MARK2: variants seen among roughly 807,000 people sequenced by gnomAD.
MARK2 encodes serine/threonine-protein kinase MARK2.
Under a neutral mutation model 89.8 loss-of-function variants are expected in MARK2, and 16 were observed. The ratio of observed to expected loss-of-function variants is 0.18; its 90% CI spans 0.12 to 0.27. The LOEUF (loss-of-function observed/expected upper bound fraction) is 0.27. Ranked by LOEUF, MARK2 falls within the 10% of genes least tolerant of loss-of-function variation. The pLI is 1.00. For missense variants in MARK2, 621 were observed against 1,049.9 expected, an observed-to-expected ratio of 0.59 and a Z score of 5.65; for synonymous variants, 382 against 399.5, an observed-to-expected ratio of 0.96 and a Z score of 0.52.
At chr11:63,906,212 C>T (rs1205239322) in intron 17 of MARK2, 98 bp downstream of exon 17, 2 of 1,236,718 alleles carry the variant, frequency 1.6e-6, no homozygotes, top group Non-Finnish European at 2.0e-6. Flanking sequence ...TCTTACTCTC[C>T]TCCATCTGCT....
intron 1 of MARK2, among the ~76,000 whole-genome samples, chr11:63,841,321 A>C (rs556148406): frequency 1.1e-3 from 169 of 152,304 alleles, no homozygotes; most frequent in African/African-American, 3.8e-3. Flanking sequence ...TTTTCTCTGC[A>C]GGGTTGACCC....
At chr11:63,873,118 G>A (rs1470576259) in intron 1 of MARK2, among the ~76,000 whole-genome samples, 1 of 152,044 alleles carries the variant, frequency 6.6e-6, no homozygotes, top group Non-Finnish European at 1.5e-5. Flanking sequence ...GGGTGATGGT[G>A]ACCCAGCTAG....
At chr11:63,860,742 C>T (rs1590993103) in intron 1 of MARK2, among the ~76,000 whole-genome samples, 1 of 151,948 alleles carries the variant, frequency 6.6e-6, no homozygotes, top group East Asian at 1.9e-4. Context: ...CCTATAGTTC[C>T]AGCTCTTCAG....
chr11:63,893,475 C>T, intron 1 of MARK2, among the ~76,000 whole-genome samples: 1 of 151,466 alleles, frequency 6.6e-6, no homozygotes, highest in Non-Finnish European at 1.5e-5. Flanking sequence ...GAATTGTTTC[C>T]ACTTTTTGAC....
chr11:63,879,074 G>A (rs779834167), intron 1 of MARK2, among the ~76,000 whole-genome samples: 1 of 152,154 alleles, frequency 6.6e-6, no homozygotes, highest in Non-Finnish European at 1.5e-5. Flanking sequence ...GGAGGCCGAG[G>A]CAGGCAGATC....
chr11:63,872,872 C>T (rs1035621647), intron 1 of MARK2, among the ~76,000 whole-genome samples: 14 of 149,702 alleles, frequency 9.4e-5, no homozygotes, highest in Admixed American at 2.0e-4. Context: ...CTCCTCCTCT[C>T]CCCCACTTCT....
chr11:63,882,641 T>C (rs1939165891), intron 1 of MARK2: 1 of 152,132 alleles, frequency 6.6e-6, no homozygotes, highest in Non-Finnish European at 1.5e-5. Context: ...GGGGCCATGC[T>C]AATCTTCTCT....
At chr11:63,884,178 C>T (rs1018373757) in intron 1 of MARK2, among the ~76,000 whole-genome samples, 29 of 152,312 alleles carry the variant, frequency 1.9e-4, no homozygotes, top group African/African-American at 3.4e-4. Context: ...GGGGATTTAG[C>T]GACCAGACCC....
chr11:63,906,312 G>A (rs913437654), intron 17 of MARK2, among the ~76,000 whole-genome samples, 198 bp downstream of exon 17: 4 of 152,094 alleles, frequency 2.6e-5, no homozygotes, highest in African/African-American at 4.8e-5. Flanking sequence ...CCTGCCCTCC[G>A]TGCCCCCAGT....
intron 4 of MARK2, 100 bp downstream of exon 4, chr11:63,898,380 C>T: frequency 8.4e-7 from 1 of 1,195,024 alleles, no homozygotes; most frequent in Non-Finnish European, 1.2e-6. Context: ...CTGGAGTCTG[C>T]AGTCTTCAAG....
chr11:63,885,277 G>A (rs749321695), intron 1 of MARK2, among the ~76,000 whole-genome samples: 10 of 152,130 alleles, frequency 6.6e-5, no homozygotes, highest in Non-Finnish European at 1.3e-4. Context: ...GGTAGCTCAT[G>A]TCTATAATCC....
At chr11:63,855,816 G>C (rs1188981492) in intron 1 of MARK2, among the ~76,000 whole-genome samples, 4 of 152,206 alleles carry the variant, frequency 2.6e-5, no homozygotes, top group Admixed American at 6.5e-5. Flanking sequence ...CATTAAGCCA[G>C]ACATTAAAGA....
At chr11:63,845,410 G>A (rs922037318) in intron 1 of MARK2, among the ~76,000 whole-genome samples, 1 of 152,146 alleles carries the variant, frequency 6.6e-6, no homozygotes, top group Non-Finnish European at 1.5e-5. Context: ...AACCAGATAG[G>A]TGGCTAAATT....
intron 6 of MARK2, 73 bp from the exon 7 acceptor site, chr11:63,898,979 G>T: frequency 7.9e-7 from 1 of 1,261,734 alleles, no homozygotes. Context: ...CTAAGTCACA[G>T]GGTCACTGCT....
chr11:63,902,766 C>T lies in MARK2; in HGVS notation c.1400C>T (p.Thr467Ile). The change falls in exon 13 of 19, where the codon ACC becomes ATC. Residue 467 changes from threonine (T) to isoleucine (I), a missense_variant. Around this residue, in one of 5 missense-constraint regions of MARK2, gnomAD observed 397 missense variants for 567.8 expected, o/e 0.70. Transcript: ENST00000402010. The surrounding 1 kb of genome is among the most constrained non-coding windows in gnomAD (Gnocchi z 4.2). ...PLPGLERKKT[T>I]PTPSTNSVLS... ...CCCGGTCTGGAGAGGAAGAAGACCACCCCAACCCCCTCCACGGTGAGCCGC... is the reference window on the plus strand; with the variant it reads ...CCCGGTCTGGAGAGGAAGAAGACCATCCCAACCCCCTCCACGGTGAGCCGC... 6.2e-7 allele frequency: 1 copy of T among 1,612,270 alleles called. No individual in the cohort carries two copies. The highest frequency in any genetic ancestry group is 8.5e-7 in the Non-Finnish European group (1 of 1,179,338).
chr11:63,845,660 AC>A (rs1265662761), intron 1 of MARK2, among the ~76,000 whole-genome samples: 1 of 151,786 alleles, frequency 6.6e-6, no homozygotes, highest in Non-Finnish European at 1.5e-5. Context: ...GAAAGTGCTA[AC>A]TCCTGAGCAG....
At chr11:63,850,861 A>G (rs1445901715) in intron 1 of MARK2, among the ~76,000 whole-genome samples, 1 of 151,418 alleles carries the variant, frequency 6.6e-6, no homozygotes, top group Non-Finnish European at 1.5e-5. Context: ...ATGAGTTCTC[A>G]CTGTGTTGCC....
At chr11:63,896,988 T>C (rs1166601576) in intron 3 of MARK2, among the ~76,000 whole-genome samples, 1 of 152,154 alleles carries the variant, frequency 6.6e-6, no homozygotes, top group South Asian at 2.1e-4. Context: ...ACCAGACAAA[T>C]AGAGCCATTT....
chr11:63,848,000 A>T (rs111324019), intron 1 of MARK2, among the ~76,000 whole-genome samples: 3 of 152,192 alleles, frequency 2.0e-5, no homozygotes, highest in Non-Finnish European at 4.4e-5. Context: ...GAGAGAAAAA[A>T]TAGTTTTTGC....
Sources: allele counts gnomAD v4.1 joint callset (sites outside exome capture counted in the v4.1 genomes callset), GRCh38; gene constraint gnomAD v4.1.1; regional missense constraint gnomAD v4.1.1; non-coding constraint Gnocchi (gnomAD v3.1); transcripts MANE v1.5; gene names NCBI Gene and HGNC (gene_info 2026-07-23, HGNC 2026-07-21).